ZNF662: variants seen among roughly 807,000 people sequenced by gnomAD.
ZNF662 encodes zinc finger protein 662.
A neutral mutation model predicts 12.4 loss-of-function variants in ZNF662; 14 were observed. That is an observed-to-expected ratio of 1.13 (90% CI 0.75 to 1.77). ZNF662 has a LOEUF of 1.77. Among genes scored for constraint, ZNF662 ranks in the 40% most tolerant of loss-of-function variants. The pLI is 0.00. For synonymous variants in ZNF662, 184 were observed against 176.4 expected, an observed-to-expected ratio of 1.04 and a Z score of -0.34; for missense variants, 550 against 515.6, an observed-to-expected ratio of 1.07 and a Z score of -0.65.
intron 3 of ZNF662, among the ~76,000 whole-genome samples, chr3:42,912,760 G>A (rs1273777879): frequency 1.8e-5 from 1 of 55,248 alleles, no homozygotes; most frequent in Non-Finnish European, 4.0e-5. Flanking sequence ...TATTTTTTGA[G>A]ACACAGTCTC....
At position 42,906,310 on chromosome 3, in the gene ZNF662, C is replaced by G. The variant is rs2088677363; in HGVS notation, c.-94+142C>G. ...TCCGCGACCCCAACAGCCTCTGGTC[C>G]GGTCTGGCGCGCCCTCGCTTTCCCA... is the stretch of plus-strand genomic sequence containing the variant. On this transcript the variant is annotated intron_variant, in intron 1 of 4. Transcript: ENST00000440367. This position sits in a 1 kb window ranked among gnomAD's most constrained non-coding sequence, Gnocchi z 4.4. 2.0e-6 allele frequency: 3 copies of G among 1,518,934 alleles called. No individual in the cohort carries two copies. In the East Asian group the frequency reaches 7.7e-5, roughly 39 times the overall value. The allele number at this position is 1,518,934 out of a possible 1,614,324, so 94.1% of individuals were successfully genotyped here. A position where few individuals can be genotyped will look rare whatever the true frequency, so the allele number is the denominator to read the frequency against.
intron 3 of ZNF662, among the ~76,000 whole-genome samples, chr3:42,912,678 TATAA>T: frequency 4.4e-5 from 1 of 22,558 alleles, no homozygotes; most frequent in African/African-American, 9.7e-5. Flanking sequence ...TTTTTATATA[TATAA>T]ATATATATAT....
rs963255837 is a variant in ZNF662 at position 42,909,521 on chromosome 3, T to G, written c.151+612T>G. Among the ~76,000 whole-genome samples the G allele has an allele frequency of 2.0e-5, 3 of 152,208 alleles. No individual in the cohort carries two copies. The East Asian group carries it at 5.8e-4, about 29-fold the overall frequency. On this transcript the variant is annotated intron_variant, in intron 3 of 4. Transcript: ENST00000440367. ...TCTTTCTTTTCCCCACATTTCCCCC[T>G]TTTCTATTCGACAAAACCGCCATCG...
In ZNF662 at chr3:42,915,451, C is replaced by T; in HGVS notation, c.*97C>T. 8.9e-7 allele frequency: 1 copy of T among 1,127,120 alleles called. No homozygotes were observed. Among genetic ancestry groups the T allele is most frequent in the Non-Finnish European group, 1.3e-6 (1 of 795,586 alleles). The allele number at this position is 1,127,120 out of a possible 1,614,324, so 69.8% of individuals were successfully genotyped here. ...ATTCACAATTTGCTGTAACCCTTAA[C>T]TTAAATAGCCAGTATTATCTTGCCC... On this transcript the variant is annotated 3_prime_UTR_variant, in exon 5 of 5. Coordinates refer to ENST00000440367, the MANE Select transcript of ZNF662 (RefSeq NM_207404.4).
Position 42,906,322 on chromosome 3 carries a change from CCCT to C in ZNF662, c.-94+156_-94+158del. ...ACAGCCTCTGGTCCGGTCTGGCGCG[CCCT>C]CGCTTTCCCAGAGGGCGACCTGGGC... On this transcript the variant is annotated intron_variant, in intron 1 of 4. Transcript: ENST00000440367. The surrounding 1 kb of genome is among the most constrained non-coding windows in gnomAD (Gnocchi z 4.4). 6.6e-7 allele frequency: 1 copy of C among 1,526,372 alleles called. No homozygotes were observed. The highest frequency in any genetic ancestry group is 1.2e-5 in the South Asian group (1 of 83,112). 94.6% of individuals were successfully genotyped at this position (1,526,372 alleles called of 1,614,324 possible). A position where few individuals can be genotyped will look rare whatever the true frequency, so the allele number is the denominator to read the frequency against.
rs10545184 is a variant in ZNF662, at chr3:42,915,849, CCTT to C, written c.*497_*499del. On this transcript the variant is annotated 3_prime_UTR_variant, in exon 5 of 5. Transcript: ENST00000440367. ...TTCCCTTCATCACTCAGATCTAGCT[CCTT>C]CAACTAAGAAGATCTCTCTTCCTCT... The C allele has an allele frequency of 0.16, 24,541 of 154,650 alleles. 2,100 individuals carry two copies. The highest frequency in any genetic ancestry group is 0.19 in the Non-Finnish European group (12,992 of 69,654). 9.6% of individuals were successfully genotyped at this position (154,650 alleles called of 1,614,324 possible). A position where few individuals can be genotyped will look rare whatever the true frequency, so the allele number is the denominator to read the frequency against.
In ZNF662 at chr3:42,908,881, T is replaced by C; in HGVS notation, c.123T>C (p.Asp41=). 1 of 1,613,494 alleles carries C rather than the reference T, an allele frequency of 6.2e-7. No individual in the cohort carries two copies. Among genetic ancestry groups the C allele is most frequent in the Non-Finnish European group, 8.5e-7 (1 of 1,179,446 alleles). ...GCTCGGTTCCTCGGGGAGCTCTGGA[T>C]GGAGAGGCCCCAAGGGGCATCTCCT... ...PWCSVPRGAL[D]GEAPRGISSG... is the part of the protein sequence containing the mutation. Residue 41 remains aspartate, a synonymous_variant, in exon 3 of 5, where the codon GAT becomes GAC. Coordinates refer to ENST00000440367, the MANE Select transcript of ZNF662 (RefSeq NM_207404.4).
At chr3:42,909,069 AT>A (rs1487865732) in intron 3 of ZNF662, among the ~76,000 whole-genome samples, 160 bp downstream of exon 3, 1 of 151,986 alleles carries the variant, frequency 6.6e-6, no homozygotes, top group Non-Finnish European at 1.5e-5. Flanking sequence ...TTTTAAAAAA[AT>A]TTTTTTTAGT....
Position 42,914,657 on chromosome 3 carries a change from A to G in ZNF662, c.584A>G (p.Glu195Gly), listed in dbSNP as rs111647459. 3 of 1,614,228 alleles carry G rather than the reference A, an allele frequency of 1.9e-6. No individual in the cohort carries two copies. In the South Asian group the frequency reaches 3.3e-5, roughly 18 times the overall value. Residue 195 changes from glutamate to glycine, a missense_variant, in exon 5 of 5, where the codon GAG becomes GGG. Physicochemically the swap from Glu to Gly is moderately conservative, Grantham distance 98. Transcript: ENST00000440367. The stretch of plus-strand genomic sequence containing the variant: ...AATGAGCAAATATTCTATATATGTG[A>G]GGAATGCGGCAAGTGTTTTGATCAA... ...ILNEQIFYICEECGKCFDQNE... is the reference protein window; with the variant it reads ...ILNEQIFYICGECGKCFDQNE...
At chr3:42,911,730 A>C (rs2088793812) in intron 3 of ZNF662, among the ~76,000 whole-genome samples, 2 of 151,948 alleles carry the variant, frequency 1.3e-5, no homozygotes, top group African/African-American at 4.8e-5. Context: ...AAGCAGAAGT[A>C]AGGTGTATTA....
At chr3:42,912,659 TATATATA>T (rs1413813227) in intron 3 of ZNF662, among the ~76,000 whole-genome samples, 5 of 65,680 alleles carry the variant, frequency 7.6e-5, no homozygotes, top group African/African-American at 2.5e-4. Flanking sequence ...TATAAATATA[TATATATA>T]TTTTTTATAT....
Position 42,906,533 on chromosome 3 carries a change from G to A in ZNF662, c.-94+365G>A, listed in dbSNP as rs1361630266. 10 of 1,175,998 alleles carry A rather than the reference G, an allele frequency of 8.5e-6. No individual in the cohort carries two copies. Among genetic ancestry groups the A allele is most frequent in the Non-Finnish European group, 1.1e-5 (10 of 884,336 alleles). The allele number at this position is 1,175,998 out of a possible 1,614,324, so 72.8% of individuals were successfully genotyped here. Reference sequence around the variant, plus strand: ...GTGGTGCGGCGGCTGGGAAATGGGGGTACAACCCAGAGTGAGGGGCCTCGA... The same window carrying A: ...GTGGTGCGGCGGCTGGGAAATGGGGATACAACCCAGAGTGAGGGGCCTCGA... On this transcript the variant is annotated intron_variant, in intron 1 of 4. Coordinates refer to ENST00000440367, the MANE Select transcript of ZNF662 (RefSeq NM_207404.4). This position sits in a 1 kb window ranked among gnomAD's most constrained non-coding sequence, Gnocchi z 4.4.
chr3:42,912,421 TA>T (rs1559381262), intron 3 of ZNF662, among the ~76,000 whole-genome samples: 1 of 98,224 alleles, frequency 1.0e-5, no homozygotes, highest in Non-Finnish European at 1.8e-5. Flanking sequence ...TTATATATAT[TA>T]ATATATATAT....
In ZNF662 at chr3:42,914,989, TGTAAG is replaced by T. The variant is rs1184473580; in HGVS notation, c.918_922del (p.Cys306Ter). 1.2e-6 allele frequency: 2 copies of T among 1,614,022 alleles called. No homozygotes were observed. Among genetic ancestry groups the T allele is most frequent in the Non-Finnish European group, 1.7e-6 (2 of 1,180,032 alleles). On this transcript the variant is annotated frameshift_variant, in exon 5 of 5. Coordinates refer to ENST00000440367, the MANE Select transcript of ZNF662 (RefSeq NM_207404.4). LOFTEE classifies it low-confidence loss of function (END_TRUNC). ...CCACACTGGTGAGAAACCATACACATGTAAGGAATGTGGGAAAAGCTTTACTCGAA... is the reference window on the plus strand; with the variant it reads ...CCACACTGGTGAGAAACCATACACATGAATGTGGGAAAAGCTTTACTCGAA...
At chr3:42,910,482 A>G (rs1229435618) in intron 3 of ZNF662, among the ~76,000 whole-genome samples, 2 of 152,186 alleles carry the variant, frequency 1.3e-5, no homozygotes, top group African/African-American at 4.8e-5. Context: ...TATTATGGCT[A>G]CCATGTATCT....
chr3:42,914,845 G>A lies in ZNF662; in HGVS notation c.772G>A (p.Val258Ile), dbSNP rs2125649123. 1.9e-6 allele frequency: 3 copies of A among 1,614,134 alleles called. No homozygotes were observed. Among genetic ancestry groups the A allele is most frequent in the Middle Eastern group, 3.3e-4 (2 of 6,062 alleles). ...ATGTCAAGAATGTGCTAAGGCCTTT[G>A]TTTGGAAGTCAAACCTGATTCGTCA... ...YECQECAKAF[V>I]WKSNLIRHQR... The change falls in exon 5 of 5, where the codon GTT becomes ATT. Residue 258 changes from valine to isoleucine, a missense_variant. Val to Ile is a conservative substitution (Grantham distance 29). Coordinates refer to ENST00000440367, the MANE Select transcript of ZNF662 (RefSeq NM_207404.4).
intron 2 of ZNF662, chr3:42,908,519 G>T: frequency 7.8e-7 from 1 of 1,274,222 alleles, no homozygotes; most frequent in South Asian, 2.1e-5. Context: ...CTCTAAGAGG[G>T]AGAGGACAGG....
chr3:42,916,374 T>A lies in ZNF662; in HGVS notation c.*1020T>A, dbSNP rs2088896987. On this transcript the variant is annotated 3_prime_UTR_variant, in exon 5 of 5. Coordinates refer to ENST00000440367, the MANE Select transcript of ZNF662 (RefSeq NM_207404.4). ...GTAATCCAGGTCTTTTTTTTTTTTTTTTTTTTTTTAGACAGAGTCTCACTC... is the reference window on the plus strand; with the variant it reads ...GTAATCCAGGTCTTTTTTTTTTTTTATTTTTTTTTAGACAGAGTCTCACTC... 6.7e-6 allele frequency: 1 copy of A among 149,198 alleles called. No individual in the cohort carries two copies. The highest frequency in any genetic ancestry group is 6.7e-5 in the Admixed American group (1 of 14,992). The allele number at this position is 149,198 out of a possible 1,614,324, so 9.2% of individuals were successfully genotyped here.
chr3:42,908,424 A>AT, intron 2 of ZNF662: 1 of 1,272,396 alleles, frequency 7.9e-7, no homozygotes. Flanking sequence ...ATGGTGCTCC[A>AT]CTGAGCCTTC....
Sources: gnomAD v4.1 joint callset for allele counts (sites outside exome capture counted in the v4.1 genomes callset) on GRCh38, gnomAD v4.1.1 for gene constraint, Gnocchi (gnomAD v3.1) non-coding constraint, MANE v1.5 for transcripts, NCBI Gene and HGNC (gene_info 2026-07-23, HGNC 2026-07-21) for gene names.